CCDC85A: variants seen among roughly 807,000 people sequenced by gnomAD.
CCDC85A encodes coiled-coil domain containing 85A, also known as coiled-coil domain-containing protein 85A.
A neutral mutation model predicts 50.2 loss-of-function variants in CCDC85A; 38 were observed. The observed-to-expected ratio is 0.76, with a 90% confidence interval of 0.58 to 0.99. The LOEUF (loss-of-function observed/expected upper bound fraction) is 0.99. CCDC85A is among the 50% of genes least tolerant of loss of function. The pLI is 0.00. For missense variants in CCDC85A, 820 were observed against 742.0 expected, an observed-to-expected ratio of 1.11 and a Z score of -1.22; for synonymous variants, 366 against 301.4, an observed-to-expected ratio of 1.21 and a Z score of -2.22.
chr2:56,245,283 G>T (rs1242826055), intron 2 of CCDC85A, among the ~76,000 whole-genome samples: 1 of 152,214 alleles, frequency 6.6e-6, no homozygotes, highest in African/African-American at 2.4e-5. Context: ...TCCAGGGCTG[G>T]TCTAAATGCT....
intron 1 of CCDC85A, among the ~76,000 whole-genome samples, chr2:56,188,689 A>G: frequency 6.6e-6 from 1 of 152,240 alleles, no homozygotes; most frequent in Non-Finnish European, 1.5e-5. Context: ...AAGCATCAGT[A>G]TCAAGGGATA....
intron 2 of CCDC85A, among the ~76,000 whole-genome samples, chr2:56,208,637 T>A (rs1211265821): frequency 6.6e-6 from 1 of 152,112 alleles, no homozygotes; most frequent in Non-Finnish European, 1.5e-5. Flanking sequence ...CCAGGTTGAT[T>A]CAGAGAGAGA....
intron 2 of CCDC85A, among the ~76,000 whole-genome samples, chr2:56,222,411 C>T (rs1285895707): frequency 6.6e-6 from 1 of 152,108 alleles, no homozygotes; most frequent in Non-Finnish European, 1.5e-5. Context: ...TATGCCATAT[C>T]TTAGACCAAA....
chr2:56,348,105 C>T (rs12329158), intron 3 of CCDC85A, among the ~76,000 whole-genome samples: 2,892 of 152,260 alleles, frequency 0.019, 81 homozygotes, highest in African/African-American at 0.063. Flanking sequence ...CAAAGAGACT[C>T]GACTAGAGAC....
At chr2:56,238,715 T>C (rs1669129386) in intron 2 of CCDC85A, among the ~76,000 whole-genome samples, 1 of 152,126 alleles carries the variant, frequency 6.6e-6, no homozygotes, top group Non-Finnish European at 1.5e-5. Flanking sequence ...GCCAAGGAAT[T>C]GATCATTTTT....
chr2:56,337,889 A>T (rs1442523580), intron 2 of CCDC85A, among the ~76,000 whole-genome samples: 2 of 151,234 alleles, frequency 1.3e-5, no homozygotes, highest in African/African-American at 2.4e-5. Flanking sequence ...GGTTCAAGCG[A>T]TTCTCCTGCC....
At chr2:56,345,754 C>T (rs971963524) in intron 3 of CCDC85A, among the ~76,000 whole-genome samples, 2 of 152,206 alleles carry the variant, frequency 1.3e-5, no homozygotes, top group Non-Finnish European at 2.9e-5. Context: ...ACAACTTACT[C>T]TTAGATGTTA....
intron 2 of CCDC85A, among the ~76,000 whole-genome samples, chr2:56,199,561 TGAGTA>T (rs1676651487): frequency 6.6e-6 from 1 of 152,122 alleles, no homozygotes; most frequent in Non-Finnish European, 1.5e-5. Context: ...TGGCCCTGTA[TGAGTA>T]TTCTTTTTTT....
At chr2:56,372,547 A>G (rs1558664354) in intron 4 of CCDC85A, 69 bp downstream of exon 4, 1 of 1,400,586 alleles carries the variant, frequency 7.1e-7, no homozygotes. Context: ...TGCTAGAGAA[A>G]AAGTTATACT....
chr2:56,364,416 A>G (rs1334168355), intron 3 of CCDC85A, among the ~76,000 whole-genome samples: 1 of 152,188 alleles, frequency 6.6e-6, no homozygotes, highest in Admixed American at 6.5e-5. Flanking sequence ...TTTTCCTTCC[A>G]ATAACATTTT....
intron 1 of CCDC85A, among the ~76,000 whole-genome samples, chr2:56,187,572 C>G (rs1339407361): frequency 6.6e-6 from 1 of 152,186 alleles, no homozygotes; most frequent in Non-Finnish European, 1.5e-5. Context: ...GTTTTCTCAT[C>G]TGCTCATGGG....
intron 2 of CCDC85A, among the ~76,000 whole-genome samples, chr2:56,238,683 A>G (rs946848715): frequency 2.0e-5 from 3 of 152,118 alleles, no homozygotes; most frequent in East Asian, 1.9e-4. Context: ...ATTTGTTCCC[A>G]TGGTCACTGA....
Position 56,372,468 on chromosome 2 carries a change from C to A in CCDC85A, c.1442C>A (p.Pro481His). Residue 481 changes from proline to histidine, a missense_variant, in exon 4 of 6, where the codon CCT (proline) becomes CAT (histidine). Pro to His is a moderately conservative substitution (Grantham distance 77). Transcript: ENST00000407595. ...QGCRGIGRCLPTLPGSFRLSS... is the reference protein window; with the variant it reads ...QGCRGIGRCLHTLPGSFRLSS... ...TGCCGAGGAATAGGACGATGCCTGC[C>A]TACTCTCCCGGTGAGTGAAGATGAG... The A allele has an allele frequency of 1.9e-6, 3 of 1,604,568 alleles. No individual in the cohort carries two copies. Among genetic ancestry groups the A allele is most frequent in the Non-Finnish European group, 2.6e-6 (3 of 1,174,868 alleles).
intron 2 of CCDC85A, among the ~76,000 whole-genome samples, chr2:56,240,246 A>T (rs1039769287): frequency 6.6e-6 from 1 of 152,132 alleles, no homozygotes; most frequent in Non-Finnish European, 1.5e-5. Flanking sequence ...TAACTTTGTA[A>T]CTTCACTTCA....
In CCDC85A at chr2:56,281,196, T is replaced by C. The variant is rs571213212; in HGVS notation, c.1241-61683T>C. On this transcript the variant is annotated intron_variant, in intron 2 of 5. Transcript: ENST00000407595. The stretch of plus-strand genomic sequence containing the variant: ...AAAGTAAACAGAACCATACAGTATT[T>C]ACTTGTGTATCTGGATTCTTTCACT... Among the ~76,000 whole-genome samples the C allele has an allele frequency of 1.4e-4, 22 of 152,346 alleles. 1 individual carries two copies. The East Asian group carries it at 3.7e-3, about 25-fold the overall frequency.
chr2:56,255,982 A>G (rs1219983696), intron 2 of CCDC85A, among the ~76,000 whole-genome samples: 4 of 152,170 alleles, frequency 2.6e-5, no homozygotes, highest in Non-Finnish European at 5.9e-5. Context: ...ATTTGAGATA[A>G]TGAATGGCTT....
At position 56,342,619 on chromosome 2, in the gene CCDC85A, G is replaced by A. The variant is rs568016503; in HGVS notation, c.1241-260G>A. On this transcript the variant is annotated intron_variant, in intron 2 of 5. Transcript: ENST00000407595. ...TCTGTATAGAATCTTAATACTAATC[G>A]TCAATTGTGTGTACTACCACCTGTA... 6.4e-4 allele frequency among the ~76,000 whole-genome samples: 97 copies of A among 152,128 alleles called. No individual in the cohort carries two copies. The Middle Eastern group carries it at 0.01, about 16-fold the overall frequency.
intron 2 of CCDC85A, among the ~76,000 whole-genome samples, chr2:56,249,726 C>T (rs1669671383): frequency 6.6e-6 from 1 of 152,194 alleles, no homozygotes; most frequent in African/African-American, 2.4e-5. Context: ...GGGCTGGTCT[C>T]CCCACATCTG....
intron 2 of CCDC85A, among the ~76,000 whole-genome samples, chr2:56,221,072 C>T (rs998127678): frequency 6.6e-6 from 1 of 151,082 alleles, no homozygotes; most frequent in Non-Finnish European, 1.5e-5. Context: ...TCCTAATTTT[C>T]TTGGTGTTTT....
Sources: gnomAD v4.1 joint callset for allele counts (sites outside exome capture counted in the v4.1 genomes callset) on GRCh38, gnomAD v4.1.1 for gene constraint, MANE v1.5 for transcripts, NCBI Gene and HGNC (gene_info 2026-07-23, HGNC 2026-07-21) for gene names.